Variants in AK9 observed in about 807,000 individuals in gnomAD.
AK9 encodes adenylate kinase domain containing 1.
AK9 carries 191 observed loss-of-function variants against 239.6 expected under a neutral mutation model. The observed-to-expected ratio is 0.80, with a 90% CI of 0.71 to 0.90. The LOEUF is 0.90. Ranked by LOEUF, AK9 falls within the 40% of genes least tolerant of loss-of-function variation. The pLI is 0.00. For missense variants in AK9, 1,995 were observed against 2,214.7 expected (o/e 0.90, Z 1.99); for synonymous variants, 689 against 721.0 (o/e 0.96, Z 0.71).
intron 1 of AK9, among the ~76,000 whole-genome samples, chr6:109,680,621 C>T (rs1201283161): frequency 6.6e-6 from 1 of 152,108 alleles, no homozygotes; most frequent in Non-Finnish European, 1.5e-5. Context: ...GAAGATATCC[C>T]TTGAGAAGAG....
chr6:109,521,769 G>A (rs1779890838), intron 29 of AK9, among the ~76,000 whole-genome samples: 1 of 152,046 alleles, frequency 6.6e-6, no homozygotes, highest in South Asian at 2.1e-4. Context: ...AATGTTTCTA[G>A]TATCAAGACC....
rs80215888 is a variant in AK9, at chr6:109,518,032, C to T, written c.3634-1390G>A. Among the ~76,000 whole-genome samples, 422 of 152,186 alleles carry T rather than the reference C, an allele frequency of 2.8e-3. 1 individual carries two copies. The highest frequency in any genetic ancestry group is 9.7e-3 in the African/African-American group (403 of 41,528). On this transcript the variant is annotated intron_variant, in intron 29 of 40. Coordinates refer to ENST00000424296, the MANE Select transcript of AK9 (RefSeq NM_001145128.3). ...CCTAAATAATGCTCAACACTCCCTC[C>T]CTTGTGGCCCCTCTCCACTGTCTGC...
Position 109,656,750 on chromosome 6 carries a change from T to A in AK9, c.759+6A>T. ...ATTCATTTTCAGCAATATATTTTGT[T>A]CTTACTTCTAAAGTTTGGAGAATTG... is the stretch of plus-strand genomic sequence containing the variant. On this transcript the variant is annotated splice_donor_region_variant and intron_variant, in intron 8 of 40. Coordinates refer to ENST00000424296, the MANE Select transcript of AK9 (RefSeq NM_001145128.3). The A allele has an allele frequency of 6.4e-7, 1 of 1,574,736 alleles. No individual in the cohort carries two copies. Among genetic ancestry groups the A allele is most frequent in the Non-Finnish European group, 8.7e-7 (1 of 1,151,796 alleles).
chr6:109,633,452 CT>C (rs1562523785), intron 10 of AK9, 129 bp from the exon 11 acceptor site: 1 of 1,093,914 alleles, frequency 9.1e-7, no homozygotes, highest in Non-Finnish European at 1.3e-6. Flanking sequence ...GAAATTTTGG[CT>C]TTTTTCTTAA....
rs900186003 is a variant in AK9, at chr6:109,493,501, A to C, written c.5604T>G (p.Ser1868Arg). The change falls in exon 41 of 41, where the codon AGT becomes AGG. Residue 1868 changes from serine to arginine, a missense_variant. Around this residue, in one of 5 missense-constraint regions of AK9, gnomAD observed 391 missense variants for 456.0 expected, o/e 0.86. Transcript: ENST00000424296. ...CACCCAAGTATGTTATGAGTTCACAACTCTCCATAAACTGCTCCATCTTCT... is the reference window on the plus strand; with the variant it reads ...CACCCAAGTATGTTATGAGTTCACACCTCTCCATAAACTGCTCCATCTTCT... ...YKKKMEQFME[S>R]CELITYLGAK... The C allele has an allele frequency of 2.5e-6, 4 of 1,613,838 alleles. No individual in the cohort carries two copies. In the Admixed American group the frequency reaches 6.7e-5, roughly 27 times the overall value.
chr6:109,646,964 C>A (rs1431283179), intron 8 of AK9, among the ~76,000 whole-genome samples: 1 of 152,156 alleles, frequency 6.6e-6, no homozygotes, highest in Non-Finnish European at 1.5e-5. Flanking sequence ...AATTTTCAAC[C>A]CAGAATTTCA....
intron 13 of AK9, among the ~76,000 whole-genome samples, chr6:109,614,811 A>C (rs1434256926): frequency 1.3e-5 from 2 of 152,294 alleles, no homozygotes; most frequent in East Asian, 3.9e-4. Flanking sequence ...TGTTAAAAAA[A>C]CCTCAATATT....
intron 7 of AK9, 151 bp downstream of exon 7, chr6:109,659,077 T>C (rs1322491308): frequency 6.4e-5 from 69 of 1,084,332 alleles, no homozygotes; most frequent in Non-Finnish European, 7.1e-5. Flanking sequence ...CTTGAAAACA[T>C]GAAAGATTTT....
intron 5 of AK9, among the ~76,000 whole-genome samples, chr6:109,667,677 T>C (rs1477635443): frequency 2.6e-5 from 4 of 152,190 alleles, no homozygotes; most frequent in Admixed American, 2.0e-4. Flanking sequence ...CTTGCGATAG[T>C]TTGCTGAGAA....
At chr6:109,659,172 T>C in intron 7 of AK9, 56 bp downstream of exon 7, 1 of 1,444,098 alleles carries the variant, frequency 6.9e-7, no homozygotes, top group South Asian at 1.6e-5. Flanking sequence ...TCATTTACCT[T>C]AATTATAGCA....
chr6:109,563,790 G>C, intron 23 of AK9, 78 bp from the exon 24 acceptor site: 2 of 1,396,424 alleles, frequency 1.4e-6, no homozygotes. Flanking sequence ...TCAAATGTTG[G>C]GAAAATTGAT....
At chr6:109,527,061 G>A (rs1780616803) in intron 29 of AK9, among the ~76,000 whole-genome samples, 1 of 152,126 alleles carries the variant, frequency 6.6e-6, no homozygotes, top group Non-Finnish European at 1.5e-5. Flanking sequence ...GCCCTCCCTT[G>A]CTTTCACCTC....
chr6:109,504,548 C>A (rs1777913669), intron 35 of AK9, among the ~76,000 whole-genome samples: 1 of 152,074 alleles, frequency 6.6e-6, no homozygotes, highest in Non-Finnish European at 1.5e-5. Context: ...ATGGCTCACA[C>A]CTGTAATACT....
chr6:109,610,157 G>A (rs1488380634), intron 17 of AK9, among the ~76,000 whole-genome samples: 1 of 152,142 alleles, frequency 6.6e-6, no homozygotes, highest in East Asian at 1.9e-4. Flanking sequence ...ACATAATTTT[G>A]TTTGTAATTG....
At chr6:109,625,947 T>A (rs1795483939) in intron 12 of AK9, among the ~76,000 whole-genome samples, 1 of 151,930 alleles carries the variant, frequency 6.6e-6, no homozygotes, top group South Asian at 2.1e-4. Context: ...TCCATTATAA[T>A]CTTCTTCTGG....
At chr6:109,622,101 A>T (rs1432921527) in intron 12 of AK9, among the ~76,000 whole-genome samples, 3 of 146,898 alleles carry the variant, frequency 2.0e-5, no homozygotes, top group Non-Finnish European at 4.5e-5. Flanking sequence ...TATATTGTAT[A>T]TATTTTATAC....
chr6:109,641,165 T>TTA (rs1317669400), intron 10 of AK9, among the ~76,000 whole-genome samples: 5 of 147,418 alleles, frequency 3.4e-5, no homozygotes, highest in Admixed American at 1.4e-4. Context: ...ATATACATTT[T>TTA]TATATATATA....
chr6:109,576,053 C>T (rs977584562), intron 20 of AK9, among the ~76,000 whole-genome samples: 1 of 152,084 alleles, frequency 6.6e-6, no homozygotes, highest in African/African-American at 2.4e-5. Flanking sequence ...ATAGCAGTAC[C>T]ATGCTGTTTT....
intron 5 of AK9, 152 bp from the exon 6 acceptor site, chr6:109,662,815 G>A (rs1055883507): frequency 3.8e-6 from 1 of 262,130 alleles, no homozygotes; most frequent in Admixed American, 5.5e-5. Context: ...AACACTTAAA[G>A]TTATTGCCAC....
Sources: allele counts gnomAD v4.1 joint callset (sites outside exome capture counted in the v4.1 genomes callset), GRCh38; gene constraint gnomAD v4.1.1; regional missense constraint gnomAD v4.1.1; transcripts MANE v1.5; gene names NCBI Gene and HGNC (gene_info 2026-07-23, HGNC 2026-07-21).